COL24A1: variants seen among roughly 807,000 people sequenced by gnomAD.
COL24A1 encodes collagen type XXIV alpha 1 chain.
Under a neutral mutation model 253.9 loss-of-function variants are expected in COL24A1, and 224 were observed. The observed-to-expected ratio is 0.88, with a 90% CI of 0.79 to 0.99. COL24A1 has a LOEUF of 0.99. Among genes scored for constraint, COL24A1 ranks in the 50% least tolerant of loss-of-function variants. The pLI is 0.00. For missense variants in COL24A1, 2,131 were observed against 2,068.5 expected (o/e 1.03, Z -0.59); for synonymous variants, 685 against 673.7 (o/e 1.02, Z -0.26).
chr1:85,858,651 C>CCTTCCTTA (rs1678763903), intron 37 of COL24A1, among the ~76,000 whole-genome samples: 1 of 149,370 alleles, frequency 6.7e-6, no homozygotes, highest in Non-Finnish European at 1.5e-5. Flanking sequence ...TTCCTTCCTT[C>CCTTCCTTA]CTTCCTTCCT....
At chr1:85,886,540 C>T (rs967332671) in intron 32 of COL24A1, among the ~76,000 whole-genome samples, 2 of 151,768 alleles carry the variant, frequency 1.3e-5, no homozygotes, top group African/African-American at 4.8e-5. Context: ...TGGCATGCAC[C>T]TGTAGTCCCA....
At chr1:85,885,410 G>GTTTTTT (rs1553213776) in intron 32 of COL24A1, among the ~76,000 whole-genome samples, 1 of 95,184 alleles carries the variant, frequency 1.1e-5, no homozygotes, top group African/African-American at 3.7e-5. Context: ...TTTTTTTTAA[G>GTTTTTT]TAGAAACTAA....
intron 59 of COL24A1, among the ~76,000 whole-genome samples, chr1:85,734,146 G>A (rs1663800519): frequency 6.7e-6 from 1 of 150,258 alleles, no homozygotes; most frequent in Non-Finnish European, 1.5e-5. Context: ...CAAGTGATCT[G>A]ACTGCCTCGG....
At chr1:85,766,844 G>A (rs576138609) in intron 53 of COL24A1, among the ~76,000 whole-genome samples, 2 of 152,026 alleles carry the variant, frequency 1.3e-5, no homozygotes, top group African/African-American at 4.8e-5. Flanking sequence ...GATGGCTCAC[G>A]CCTGTAATCC....
intron 32 of COL24A1, among the ~76,000 whole-genome samples, chr1:85,886,167 C>T (rs1682475046): frequency 6.6e-6 from 1 of 151,792 alleles, no homozygotes; most frequent in African/African-American, 2.4e-5. Context: ...TCTGCCTCAG[C>T]CTCTCGAGTA....
At chr1:85,975,329 G>T (rs1056970510) in intron 20 of COL24A1, among the ~76,000 whole-genome samples, 1 of 152,112 alleles carries the variant, frequency 6.6e-6, no homozygotes, top group Admixed American at 6.5e-5. Context: ...TTATTGCAGT[G>T]TTACTCACAA....
At chr1:85,836,549 C>T (rs1676024583) in intron 43 of COL24A1, among the ~76,000 whole-genome samples, 1 of 152,070 alleles carries the variant, frequency 6.6e-6, no homozygotes, top group South Asian at 2.1e-4. Context: ...CTAAATAAAG[C>T]GTGGTTCCTC....
intron 2 of COL24A1, among the ~76,000 whole-genome samples, chr1:86,140,117 T>C (rs1306633496): frequency 3.3e-5 from 5 of 152,374 alleles, no homozygotes; most frequent in Admixed American, 6.5e-5. Context: ...ACAGGCACTG[T>C]GCTAAGCACT....
At chr1:86,148,042 C>T (rs1467087063) in intron 1 of COL24A1, among the ~76,000 whole-genome samples, 2 of 152,162 alleles carry the variant, frequency 1.3e-5, no homozygotes, top group Non-Finnish European at 2.9e-5. Flanking sequence ...TGTACTGACG[C>T]TACTGATCTG....
chr1:86,023,918 C>T (rs12145024), intron 14 of COL24A1, among the ~76,000 whole-genome samples: 8,463 of 152,068 alleles, frequency 0.056, 338 homozygotes, highest in South Asian at 0.1. Flanking sequence ...TAATGGAAAT[C>T]CAAGTTAGTT....
chr1:85,912,581 A>G (rs116109527), intron 24 of COL24A1, among the ~76,000 whole-genome samples: 1 of 152,282 alleles, frequency 6.6e-6, no homozygotes, highest in African/African-American at 2.4e-5. Context: ...TTTTACCCTT[A>G]CAGATCTCTA....
chr1:85,786,256 A>C, intron 48 of COL24A1, 98 bp downstream of exon 48: 1 of 1,058,518 alleles, frequency 9.4e-7, no homozygotes, highest in Non-Finnish European at 1.4e-6. Flanking sequence ...ATTCTATTAA[A>C]AACTATTAAT....
chr1:86,049,933 A>G (rs1373889848), intron 11 of COL24A1, among the ~76,000 whole-genome samples, 191 bp downstream of exon 11: 2 of 152,142 alleles, frequency 1.3e-5, no homozygotes, highest in Non-Finnish European at 2.9e-5. Context: ...CTATCATGCT[A>G]TATTACTTTC....
chr1:86,084,803 G>A (rs182684278), intron 7 of COL24A1, among the ~76,000 whole-genome samples: 24 of 152,062 alleles, frequency 1.6e-4, no homozygotes, highest in Non-Finnish European at 5.9e-5. Context: ...TTGCCTGTTG[G>A]GGAGTTCAGC....
intron 2 of COL24A1, among the ~76,000 whole-genome samples, chr1:86,135,939 A>G (rs1380615722): frequency 6.6e-6 from 1 of 152,076 alleles, no homozygotes; most frequent in Non-Finnish European, 1.5e-5. Context: ...AGATGCTGGC[A>G]GAAGAAGAGG....
At chr1:86,145,828 C>T (rs1167864811) in intron 2 of COL24A1, among the ~76,000 whole-genome samples, 1 of 152,000 alleles carries the variant, frequency 6.6e-6, no homozygotes, top group Non-Finnish European at 1.5e-5. Flanking sequence ...AGAACTCCCA[C>T]TTAAAATGAA....
At chr1:85,895,426 T>C (rs1683577667) in intron 31 of COL24A1, among the ~76,000 whole-genome samples, 1 of 152,214 alleles carries the variant, frequency 6.6e-6, no homozygotes, top group Admixed American at 6.5e-5. Flanking sequence ...GTTAGCTTTA[T>C]TAATGTCTCA....
intron 37 of COL24A1, among the ~76,000 whole-genome samples, chr1:85,863,934 CA>C (rs1259776896): frequency 1.3e-5 from 2 of 152,166 alleles, no homozygotes; most frequent in African/African-American, 4.8e-5. Context: ...GAAATAGGAA[CA>C]CTTTTACACT....
At chr1:86,036,905 A>G (rs1699078244) in intron 12 of COL24A1, among the ~76,000 whole-genome samples, 1 of 152,184 alleles carries the variant, frequency 6.6e-6, no homozygotes, top group Non-Finnish European at 1.5e-5. Flanking sequence ...TCACGTTGCC[A>G]AAGGACAAAA....
Sources: gnomAD v4.1 joint callset for allele counts (sites outside exome capture counted in the v4.1 genomes callset) on GRCh38, gnomAD v4.1.1 for gene constraint, MANE v1.5 for transcripts, NCBI Gene and HGNC (gene_info 2026-07-23, HGNC 2026-07-21) for gene names.